Variants in TSPAN9 observed in about 807,000 individuals in gnomAD.
TSPAN9 encodes the protein tetraspanin 9.
In TSPAN9, 16 loss-of-function variants were observed where a neutral mutation model predicts 31.0. That is an observed-to-expected ratio of 0.52 (90% CI 0.35 to 0.78). The LOEUF (loss-of-function observed/expected upper bound fraction) is 0.78. Among genes scored for constraint, TSPAN9 ranks in the 30% least tolerant of loss-of-function variants. TSPAN9 has a pLI of 0.01. For missense variants in TSPAN9, 272 were observed against 312.5 expected (o/e 0.87, Z 0.98); for synonymous variants, 145 against 121.6 (o/e 1.19, Z -1.27).
chr12:3,231,441 C>G lies in TSPAN9; in HGVS notation c.63+30185C>G, dbSNP rs540413686. ...CAGCACTCCAGGCTGGACCTGGCCCCAGCCCGAACAGTCCTGCATCAGCCC... is the reference window on the plus strand; with the variant it reads ...CAGCACTCCAGGCTGGACCTGGCCCGAGCCCGAACAGTCCTGCATCAGCCC... On this transcript the variant is annotated intron_variant, in intron 3 of 8. Coordinates refer to ENST00000011898, the MANE Select transcript of TSPAN9 (RefSeq NM_006675.5). Among the ~76,000 whole-genome samples, 3 of 152,334 alleles carry G rather than the reference C, an allele frequency of 2.0e-5. No homozygotes were observed. In the South Asian group the frequency reaches 6.2e-4, roughly 32 times the overall value.
At chr12:3,167,683 C>CA (rs2153969999) in intron 2 of TSPAN9, among the ~76,000 whole-genome samples, 1 of 152,342 alleles carries the variant, frequency 6.6e-6, no homozygotes, top group South Asian at 2.1e-4. Context: ...GTCCAGGCAA[C>CA]TGCTGCCTAA....
At chr12:3,278,126 C>T (rs922724881) in intron 3 of TSPAN9, among the ~76,000 whole-genome samples, 3 of 152,210 alleles carry the variant, frequency 2.0e-5, no homozygotes, top group African/African-American at 4.8e-5. Context: ...GTATTTGTTA[C>T]GCACTTTTGC....
intron 2 of TSPAN9, among the ~76,000 whole-genome samples, chr12:3,105,644 G>A (rs1269651003): frequency 2.0e-5 from 3 of 151,944 alleles, no homozygotes; most frequent in Non-Finnish European, 2.9e-5. Context: ...TCTGAATCCC[G>A]GTGGGGTGAG....
Position 3,170,757 on chromosome 12 carries a change from C to A in TSPAN9, c.-17-30420C>A, listed in dbSNP as rs1195786942. On this transcript the variant is annotated intron_variant, in intron 2 of 8. Coordinates refer to ENST00000011898, the MANE Select transcript of TSPAN9 (RefSeq NM_006675.5). This position sits in a 1 kb window ranked among gnomAD's most constrained non-coding sequence, Gnocchi z 4.4. The stretch of plus-strand genomic sequence containing the variant: ...ATGGCAGGAGGTAGAGCGGAAGGAC[C>A]TGCACAGCTGTGGCACCTGTGGGGC... Among the ~76,000 whole-genome samples the A allele has an allele frequency of 6.6e-6, 1 of 152,142 alleles. No homozygotes were observed. Among genetic ancestry groups the A allele is most frequent in the Non-Finnish European group, 1.5e-5 (1 of 68,034 alleles).
At chr12:3,116,034 T>C (rs1365838990) in intron 2 of TSPAN9, among the ~76,000 whole-genome samples, 1 of 152,230 alleles carries the variant, frequency 6.6e-6, no homozygotes, top group Non-Finnish European at 1.5e-5. Flanking sequence ...CATTTCTGAT[T>C]GCAAGACAGT....
At position 3,107,933 on chromosome 12, in the gene TSPAN9, A is replaced by G. The variant is rs2098315487; in HGVS notation, c.-18+24214A>G. 6.6e-6 allele frequency among the ~76,000 whole-genome samples: 1 copy of G among 152,090 alleles called. No homozygotes were observed. Among genetic ancestry groups the G allele is most frequent in the South Asian group, 2.1e-4 (1 of 4,828 alleles). The stretch of plus-strand genomic sequence containing the variant: ...CCTGGACCAACCTCGTGCTATTTAT[A>G]CTTTCAACTCTATTCCTAAACCCAG... On this transcript the variant is annotated intron_variant, in intron 2 of 8. Coordinates refer to ENST00000011898, the MANE Select transcript of TSPAN9 (RefSeq NM_006675.5). The surrounding 1 kb of genome is among the most constrained non-coding windows in gnomAD (Gnocchi z 4.1).
At chr12:3,181,123 T>C (rs557243390) in intron 2 of TSPAN9, among the ~76,000 whole-genome samples, 77 of 152,268 alleles carry the variant, frequency 5.1e-4, no homozygotes, top group Non-Finnish European at 1.1e-3. Context: ...CACCATCTTA[T>C]GTGCGAGCGG....
intron 2 of TSPAN9, among the ~76,000 whole-genome samples, chr12:3,128,663 G>A (rs774126489): frequency 2.0e-4 from 30 of 152,092 alleles, no homozygotes; most frequent in Non-Finnish European, 3.8e-4. Context: ...CACTCTGCAC[G>A]AGGCTGCCTG....
chr12:3,168,688 C>T lies in TSPAN9; in HGVS notation c.-17-32489C>T, dbSNP rs1011470073. 6.6e-6 allele frequency among the ~76,000 whole-genome samples: 1 copy of T among 152,188 alleles called. No homozygotes were observed. Among genetic ancestry groups the T allele is most frequent in the Non-Finnish European group, 1.5e-5 (1 of 68,038 alleles). On this transcript the variant is annotated intron_variant, in intron 2 of 8. Transcript: ENST00000011898. The surrounding 1 kb of genome is among the most constrained non-coding windows in gnomAD (Gnocchi z 4.0). Reference sequence around the variant, plus strand: ...ACAGGCATTGGGAAAAAATTGAGCTCTGGATGGAGAGGATTTGATAAATCT... The same window carrying T: ...ACAGGCATTGGGAAAAAATTGAGCTTTGGATGGAGAGGATTTGATAAATCT...
chr12:3,258,394 G>C (rs1862388176), intron 3 of TSPAN9, among the ~76,000 whole-genome samples: 1 of 152,146 alleles, frequency 6.6e-6, no homozygotes, highest in African/African-American at 2.4e-5. Context: ...TCACCTTGGT[G>C]TCCTCTCCTT....
rs1296500740 is a variant in TSPAN9, at chr12:3,221,356, TTCTC to T, written c.63+20102_63+20105del. On this transcript the variant is annotated intron_variant, in intron 3 of 8. Coordinates refer to ENST00000011898, the MANE Select transcript of TSPAN9 (RefSeq NM_006675.5). The stretch of plus-strand genomic sequence containing the variant: ...AAGTTATTTTTTATTTAAAATATTT[TTCTC>T]TTTTTTTTTTTTTTTTAGATGAAGT... Among the ~76,000 whole-genome samples, 409 of 128,198 alleles carry T rather than the reference TTCTC, an allele frequency of 3.2e-3. 4 individuals carry two copies. The highest frequency in any genetic ancestry group is 0.011 in the African/African-American group (392 of 34,530). The allele number at this position is 128,198 out of a possible 152,430, so 84.1% of individuals were successfully genotyped here. A position where few individuals can be genotyped will look rare whatever the true frequency, so the allele number is the denominator to read the frequency against.
chr12:3,226,744 G>GTA (rs869054494), intron 3 of TSPAN9, among the ~76,000 whole-genome samples: 1 of 2,858 alleles, frequency 3.5e-4, no homozygotes, highest in African/African-American at 8.3e-4. Flanking sequence ...GTGTGTGTGT[G>GTA]TATATATATA....
chr12:3,244,553 G>A (rs998654350), intron 3 of TSPAN9, among the ~76,000 whole-genome samples: 1 of 152,212 alleles, frequency 6.6e-6, no homozygotes, highest in Admixed American at 6.5e-5. Context: ...GCCTGGCGAG[G>A]TCTGCTTTAG....
At chr12:3,146,151 G>A (rs1048004851) in intron 2 of TSPAN9, among the ~76,000 whole-genome samples, 1 of 152,254 alleles carries the variant, frequency 6.6e-6, no homozygotes, top group Non-Finnish European at 1.5e-5. Flanking sequence ...CGATCTTTGA[G>A]GTCTCTCTGG....
chr12:3,087,282 G>A (rs553426163), intron 2 of TSPAN9, among the ~76,000 whole-genome samples: 3 of 152,282 alleles, frequency 2.0e-5, no homozygotes, highest in African/African-American at 7.2e-5. Context: ...CACTTTCGGA[G>A]GCCAAGGCGG....
At position 3,283,290 on chromosome 12, in the gene TSPAN9, GGGA is replaced by G. The variant is rs569523147; in HGVS notation, c.*183_*185del. The G allele has an allele frequency of 1.6e-5, 10 of 631,170 alleles. No individual in the cohort carries two copies. The highest frequency in any genetic ancestry group is 3.1e-5 in the East Asian group (1 of 32,408). 39.1% of individuals were successfully genotyped at this position (631,170 alleles called of 1,614,324 possible). A position where few individuals can be genotyped will look rare whatever the true frequency, so the allele number is the denominator to read the frequency against. ...GGACTTCTCAGTGGGTGGAGTGCCA[GGGA>G]GGAGGAGGCACACGGAGACCTGGGG... On this transcript the variant is annotated 3_prime_UTR_variant, in exon 9 of 9. Transcript: ENST00000011898.
chr12:3,080,274 T>C (rs2098297246), intron 1 of TSPAN9, among the ~76,000 whole-genome samples: 1 of 152,210 alleles, frequency 6.6e-6, no homozygotes, highest in Non-Finnish European at 1.5e-5. Flanking sequence ...AATTAGGAAG[T>C]GTGCTTTATA....
intron 2 of TSPAN9, among the ~76,000 whole-genome samples, chr12:3,121,648 G>T (rs546424568): frequency 6.9e-6 from 1 of 145,668 alleles, no homozygotes; most frequent in Non-Finnish European, 1.5e-5. Context: ...AAAGTGCTAG[G>T]GTTATAGATA....
At position 3,281,720 on chromosome 12, in the gene TSPAN9, G is replaced by C; in HGVS notation, c.565-14G>C. ...TTGGGCTGGGACCCTAACCTCGTGG[G>C]CCTCGCTCCCCAGGGCTGCTATGAA... On this transcript the variant is annotated splice_polypyrimidine_tract_variant and intron_variant, in intron 7 of 8. Transcript: ENST00000011898. The C allele has an allele frequency of 1.2e-6, 2 of 1,608,116 alleles. No homozygotes were observed. The highest frequency in any genetic ancestry group is 1.7e-6 in the Non-Finnish European group (2 of 1,175,180).
Sources: allele counts gnomAD v4.1 joint callset (sites outside exome capture counted in the v4.1 genomes callset), GRCh38; gene constraint gnomAD v4.1.1; non-coding constraint Gnocchi (gnomAD v3.1); transcripts MANE v1.5; gene names NCBI Gene and HGNC (gene_info 2026-07-23, HGNC 2026-07-21).